RGS5: variants seen among roughly 807,000 people sequenced by gnomAD.
RGS5 encodes regulator of G-protein signalling 5.
RGS5 carries 20 observed loss-of-function variants against 18.9 expected under a neutral mutation model. The ratio of observed to expected loss-of-function variants is 1.06; its 90% CI spans 0.74 to 1.54. The LOEUF is 1.54. Among genes scored for constraint, RGS5 ranks in the 40% most tolerant of loss-of-function variants. The probability of loss-of-function intolerance (pLI) is 0.00; values close to 1 mark genes in which losing one functional copy is unlikely to be tolerated. For missense variants in RGS5, 201 were observed against 211.8 expected (o/e 0.95, Z 0.32); for synonymous variants, 57 against 76.2 (o/e 0.75, Z 1.31).
At chr1:163,289,978 T>C (rs1384646084) in intron 2 of RGS5, among the ~76,000 whole-genome samples, 1 of 152,186 alleles carries the variant, frequency 6.6e-6, no homozygotes, top group Non-Finnish European at 1.5e-5. Context: ...GCCAGGAATA[T>C]TCAACATGGA....
intron 2 of RGS5, among the ~76,000 whole-genome samples, chr1:163,240,355 T>C (rs915638747): frequency 6.6e-6 from 1 of 151,812 alleles, no homozygotes; most frequent in Non-Finnish European, 1.5e-5. Context: ...AAACAAAGCC[T>C]TACCAAAAGA....
intron 1 of RGS5, among the ~76,000 whole-genome samples, chr1:163,316,161 G>C (rs1650014138): frequency 6.6e-6 from 1 of 152,120 alleles, no homozygotes. Context: ...CTACAGTTAA[G>C]ATGTGCTTTC....
intron 1 of RGS5, among the ~76,000 whole-genome samples, chr1:163,186,062 A>G (rs921388162): frequency 8.3e-6 from 1 of 119,904 alleles, no homozygotes; most frequent in African/African-American, 3.0e-5. Flanking sequence ...AGAAATAGAG[A>G]AAAAAAAGGT....
intron 2 of RGS5, among the ~76,000 whole-genome samples, chr1:163,261,476 C>A (rs1047582291): frequency 4.6e-5 from 7 of 152,174 alleles, no homozygotes; most frequent in African/African-American, 7.2e-5. Flanking sequence ...GACCTCAAAC[C>A]ACCTTCCTGG....
chr1:163,178,799 C>A (rs1056206885), intron 1 of RGS5, among the ~76,000 whole-genome samples: 1 of 152,080 alleles, frequency 6.6e-6, no homozygotes, highest in African/African-American at 2.4e-5. Flanking sequence ...CCATGGAAAT[C>A]GTGAACAATA....
Position 163,143,268 on chromosome 1 carries a change from G to A in RGS5, c.*4074C>T, listed in dbSNP as rs1571200064. 6.6e-6 allele frequency: 1 copy of A among 152,166 alleles called. No individual in the cohort carries two copies. Among genetic ancestry groups the A allele is most frequent in the African/African-American group, 2.4e-5 (1 of 41,456 alleles). 9.4% of individuals were successfully genotyped at this position (152,166 alleles called of 1,614,324 possible). On this transcript the variant is annotated 3_prime_UTR_variant, in exon 5 of 5. Coordinates refer to ENST00000313961, the MANE Select transcript of RGS5 (RefSeq NM_003617.4). ...GAATGAAGAGACTATAAGCCAGAGA[G>A]GTTTAATAGCAGTTGAGCCAGCATA...
At position 163,143,687 on chromosome 1, in the gene RGS5, G is replaced by A. The variant is rs1657012860; in HGVS notation, c.*3655C>T. ...TTCATGACTATTCTCTCCTAAACTT[G>A]CTAAACTCCCAGGAAAAAGGGAAAA... is the stretch of plus-strand genomic sequence containing the variant. On this transcript the variant is annotated 3_prime_UTR_variant, in exon 5 of 5. Coordinates refer to ENST00000313961, the MANE Select transcript of RGS5 (RefSeq NM_003617.4). The A allele has an allele frequency of 6.6e-6, 1 of 151,858 alleles. No individual in the cohort carries two copies. The highest frequency in any genetic ancestry group is 2.4e-5 in the African/African-American group (1 of 41,318). The allele number at this position is 151,858 out of a possible 1,614,324, so 9.4% of individuals were successfully genotyped here.
intron 1 of RGS5, among the ~76,000 whole-genome samples, chr1:163,217,256 G>C (rs1010714421): frequency 2.0e-5 from 3 of 151,990 alleles, no homozygotes; most frequent in African/African-American, 7.3e-5. Flanking sequence ...AAAATAAAAA[G>C]ACTCAGCTGT....
At chr1:163,261,858 T>C (rs974132473) in intron 2 of RGS5, among the ~76,000 whole-genome samples, 5 of 152,036 alleles carry the variant, frequency 3.3e-5, no homozygotes, top group Non-Finnish European at 7.4e-5. Context: ...TATATTCTTC[T>C]CTTAGTAAAT....
At chr1:163,185,666 G>A (rs1291294797) in intron 1 of RGS5, among the ~76,000 whole-genome samples, 2 of 152,164 alleles carry the variant, frequency 1.3e-5, no homozygotes, top group Non-Finnish European at 1.5e-5. Context: ...CCAGTTCCCT[G>A]TTCTAGATCC....
At chr1:163,167,650 A>G (rs574803239) in intron 2 of RGS5, among the ~76,000 whole-genome samples, 21 of 152,312 alleles carry the variant, frequency 1.4e-4, no homozygotes, top group African/African-American at 4.8e-4. Context: ...TAATTTATGA[A>G]TTGGGAAAAA....
At chr1:163,303,845 C>T (rs897294886) in intron 2 of RGS5, among the ~76,000 whole-genome samples, 1 of 152,100 alleles carries the variant, frequency 6.6e-6, no homozygotes, top group African/African-American at 2.4e-5. Context: ...ACTGCTCATG[C>T]GAGGGATCTA....
upstream of RGS5, among the ~76,000 whole-genome samples, chr1:163,203,863 T>C (rs1659865314): frequency 6.6e-6 from 1 of 150,400 alleles, no homozygotes; most frequent in Non-Finnish European, 1.5e-5. Context: ...CTGAATTGTG[T>C]CTTATCTTGT....
intron 2 of RGS5, among the ~76,000 whole-genome samples, chr1:163,245,698 A>C (rs1455380917): frequency 1.3e-5 from 2 of 152,240 alleles, no homozygotes; most frequent in Non-Finnish European, 2.9e-5. Flanking sequence ...TGCATCTGTA[A>C]AATGGGTATA....
chr1:163,180,539 C>A (rs1456179428), intron 1 of RGS5, among the ~76,000 whole-genome samples: 4 of 152,126 alleles, frequency 2.6e-5, no homozygotes, highest in Non-Finnish European at 1.5e-5. Flanking sequence ...CTGGGCTCCA[C>A]CCCAAAGTTT....
At chr1:163,168,843 T>G (rs532160116) in intron 1 of RGS5, among the ~76,000 whole-genome samples, 1 of 152,186 alleles carries the variant, frequency 6.6e-6, no homozygotes, top group East Asian at 1.9e-4. Flanking sequence ...ATATATGACA[T>G]TTGGAAAAAA....
chr1:163,173,151 G>A (rs1658381545), intron 1 of RGS5, among the ~76,000 whole-genome samples: 1 of 152,026 alleles, frequency 6.6e-6, no homozygotes, highest in South Asian at 2.1e-4. Flanking sequence ...CTATTTGACT[G>A]CACACTAGAC....
intron 2 of RGS5, among the ~76,000 whole-genome samples, chr1:163,292,081 C>T (rs563591850): frequency 6.6e-5 from 10 of 152,106 alleles, no homozygotes; most frequent in African/African-American, 2.4e-4. Context: ...TAAACATGTG[C>T]CATGATGGTT....
chr1:163,208,409 G>A (rs1256546722), intron 1 of RGS5, among the ~76,000 whole-genome samples: 1 of 140,700 alleles, frequency 7.1e-6, no homozygotes, highest in East Asian at 2.1e-4. Context: ...AGCCAGGCAT[G>A]CAGTAGGCTG....
Sources: gnomAD v4.1 joint callset for allele counts (sites outside exome capture counted in the v4.1 genomes callset) on GRCh38, gnomAD v4.1.1 for gene constraint, MANE v1.5 for transcripts, NCBI Gene and HGNC (gene_info 2026-07-23, HGNC 2026-07-21) for gene names.